Variants in TBPL1 observed in about 807,000 individuals in gnomAD.
TBPL1 encodes the protein TATA-box binding protein like 1.
Under a neutral mutation model 22.1 loss-of-function variants are expected in TBPL1, and 4 were observed. That is an observed-to-expected ratio of 0.18 (90% CI 0.09 to 0.41). The LOEUF (loss-of-function observed/expected upper bound fraction) is 0.41. Ranked by LOEUF, TBPL1 falls within the 10% of genes least tolerant of loss-of-function variation. The probability of loss-of-function intolerance (pLI) is 1.00; values close to 1 mark genes in which losing one functional copy is unlikely to be tolerated. For missense variants in TBPL1, 115 were observed against 222.3 expected, an observed-to-expected ratio of 0.52 and a Z score of 3.07; for synonymous variants, 64 against 71.0, an observed-to-expected ratio of 0.90 and a Z score of 0.50.
chr6:133,980,962 A>ATTTTTTT (rs10713725), intron 2 of TBPL1, among the ~76,000 whole-genome samples: 7 of 97,118 alleles, frequency 7.2e-5, no homozygotes, highest in African/African-American at 2.5e-4. Context: ...TAATTAATTA[A>ATTTTTTT]TTTTTTTTTT....
upstream of TBPL1, chr6:133,952,832 C>A (rs1302463311): frequency 6.6e-6 from 1 of 151,988 alleles, no homozygotes; most frequent in African/African-American, 2.4e-5. The surrounding 1 kb of genome is among the most constrained non-coding windows in gnomAD (Gnocchi z 4.5). Flanking sequence ...ACAAAAAAGT[C>A]CACCTAAATA....
intron 6 of TBPL1, among the ~76,000 whole-genome samples, chr6:133,986,184 G>T (rs1016464159): frequency 1.3e-5 from 2 of 152,136 alleles, no homozygotes; most frequent in African/African-American, 4.8e-5. Context: ...TGTGTGGTTA[G>T]GACTTTCAGA....
chr6:133,953,801 A>G (rs1775880541), intron 1 of TBPL1, among the ~76,000 whole-genome samples: 1 of 152,166 alleles, frequency 6.6e-6, no homozygotes, highest in African/African-American at 2.4e-5. Context: ...TCTCGGAGCC[A>G]TCACCCAGGG....
chr6:133,980,359 C>CATGGTAAGGTG, intron 2 of TBPL1, 99 bp downstream of exon 2: 5 of 1,337,332 alleles, frequency 3.7e-6, no homozygotes, highest in Non-Finnish European at 4.9e-6. Flanking sequence ...TTTATGAGCA[C>CATGGTAAGGTG]CTTACCATGT....
chr6:133,955,701 T>A (rs751438719), intron 1 of TBPL1, among the ~76,000 whole-genome samples: 7 of 152,244 alleles, frequency 4.6e-5, no homozygotes, highest in Non-Finnish European at 5.9e-5. Context: ...ATGGTAATAC[T>A]GTAATTGTAG....
chr6:133,959,648 T>C (rs1775987835), intron 1 of TBPL1, among the ~76,000 whole-genome samples: 3 of 151,790 alleles, frequency 2.0e-5, no homozygotes, highest in Admixed American at 2.0e-4. Context: ...CACCTGGCCA[T>C]TTTTTTGTAT....
chr6:133,975,478 T>C (rs991152961), intron 1 of TBPL1, among the ~76,000 whole-genome samples: 1 of 152,152 alleles, frequency 6.6e-6, no homozygotes, highest in Non-Finnish European at 1.5e-5. Flanking sequence ...CAGATAATCT[T>C]CAGGTAACGT....
In TBPL1 at chr6:133,982,897, G is replaced by A; in HGVS notation, c.282+17G>A. 3 of 1,590,006 alleles carry A rather than the reference G, an allele frequency of 1.9e-6. No homozygotes were observed. Among genetic ancestry groups the A allele is most frequent in the Non-Finnish European group, 2.6e-6 (3 of 1,170,294 alleles). On this transcript the variant is annotated intron_variant, in intron 4 of 6. Transcript: ENST00000237264. ...GGTTTTCAGGTAACGTTTTCAAATA[G>A]TATCTAAACTACAAATATTCAAGGA...
intron 6 of TBPL1, among the ~76,000 whole-genome samples, chr6:133,986,283 T>A (rs1776521360): frequency 6.6e-6 from 1 of 152,232 alleles, no homozygotes; most frequent in Admixed American, 6.5e-5. Flanking sequence ...TTCAAAATTT[T>A]ATGAGAATAG....
intron 1 of TBPL1, among the ~76,000 whole-genome samples, chr6:133,956,188 T>A (rs983475352): frequency 6.6e-6 from 1 of 152,362 alleles, no homozygotes; most frequent in Admixed American, 6.5e-5. Context: ...TGCAGTTGAT[T>A]TTTAGAAGAA....
chr6:133,978,655 G>C (rs1398523492), intron 1 of TBPL1, among the ~76,000 whole-genome samples: 1 of 152,134 alleles, frequency 6.6e-6, no homozygotes, highest in Non-Finnish European at 1.5e-5. Flanking sequence ...GAATACAAGA[G>C]TGAAAAAATA....
rs935321460 is a variant in TBPL1, at chr6:133,984,228, A to C, written c.283-148A>C. ...TTAAAAAACTGAATTAAAGCTTTCC[A>C]TGCTACACAACTTACAGTACTAAAC... On this transcript the variant is annotated intron_variant, in intron 4 of 6. Coordinates refer to ENST00000237264, the MANE Select transcript of TBPL1 (RefSeq NM_004865.4). 8 of 555,734 alleles carry C rather than the reference A, an allele frequency of 1.4e-5. No homozygotes were observed. In the African/African-American group the frequency reaches 1.5e-4, roughly 11 times the overall value. The allele number at this position is 555,734 out of a possible 1,614,324, so 34.4% of individuals were successfully genotyped here.
intron 1 of TBPL1, among the ~76,000 whole-genome samples, chr6:133,972,201 C>A (rs1483579639): frequency 6.6e-6 from 1 of 152,160 alleles, no homozygotes; most frequent in African/African-American, 2.4e-5. Context: ...GAGTCTACAT[C>A]TCTAAAAAAA....
chr6:133,974,041 C>G (rs960336319), intron 1 of TBPL1, among the ~76,000 whole-genome samples: 5 of 146,616 alleles, frequency 3.4e-5, no homozygotes, highest in Non-Finnish European at 6.0e-5. Context: ...TGTGCCAATT[C>G]TCTGAATAGA....
At chr6:133,970,648 A>AATGCCGTGGTG (rs1328767671) in intron 1 of TBPL1, among the ~76,000 whole-genome samples, 1 of 151,012 alleles carries the variant, frequency 6.6e-6, no homozygotes, top group Non-Finnish European at 1.5e-5. Context: ...TCACTCTGTC[A>AATGCCGTGGTG]CCCAGGCTGG....
chr6:133,953,285 G>C lies in TBPL1; in HGVS notation c.-185G>C, dbSNP rs1583802380. 1 of 152,858 alleles carries C rather than the reference G, an allele frequency of 6.5e-6. No individual in the cohort carries two copies. Among genetic ancestry groups the C allele is most frequent in the East Asian group, 1.9e-4 (1 of 5,174 alleles). 9.5% of individuals were successfully genotyped at this position (152,858 alleles called of 1,614,324 possible). A position where few individuals can be genotyped will look rare whatever the true frequency, so the allele number is the denominator to read the frequency against. ...CCGAGCCTCGGGGGCTCCTAGCAACGGGCCGGGGCGGGAGTTCCATGGAGA... is the reference window on the plus strand; with the variant it reads ...CCGAGCCTCGGGGGCTCCTAGCAACCGGCCGGGGCGGGAGTTCCATGGAGA... On this transcript the variant is annotated 5_prime_UTR_variant, in exon 1 of 7. Coordinates refer to ENST00000237264, the MANE Select transcript of TBPL1 (RefSeq NM_004865.4).
intron 1 of TBPL1, among the ~76,000 whole-genome samples, chr6:133,972,476 C>A (rs1312870171): frequency 1.3e-5 from 2 of 152,196 alleles, no homozygotes; most frequent in Non-Finnish European, 2.9e-5. Flanking sequence ...GTCCAGTAAT[C>A]AGCAAACTTT....
rs1776535094 is a variant in TBPL1 at position 133,986,861 on chromosome 6, T to C, written c.482-100T>C. On this transcript the variant is annotated intron_variant, in intron 6 of 6. Coordinates refer to ENST00000237264, the MANE Select transcript of TBPL1 (RefSeq NM_004865.4). ...CTTTTTTTTAACAGTTAACTTGATA[T>C]TCTATACCACTTGAATATTTTTAAT... 4 of 751,800 alleles carry C rather than the reference T, an allele frequency of 5.3e-6. No homozygotes were observed. The East Asian group carries it at 1.1e-4, about 21-fold the overall frequency. 46.6% of individuals were successfully genotyped at this position (751,800 alleles called of 1,614,324 possible).
At chr6:133,978,104 T>C (rs1387433872) in intron 1 of TBPL1, among the ~76,000 whole-genome samples, 1 of 152,144 alleles carries the variant, frequency 6.6e-6, no homozygotes, top group East Asian at 1.9e-4. Flanking sequence ...TGAGCTCTGA[T>C]CATTATGAAG....
Sources: allele counts gnomAD v4.1 joint callset (sites outside exome capture counted in the v4.1 genomes callset), GRCh38; gene constraint gnomAD v4.1.1; non-coding constraint Gnocchi (gnomAD v3.1); transcripts MANE v1.5; gene names NCBI Gene and HGNC (gene_info 2026-07-23, HGNC 2026-07-21).